The following TTC1 variants were observed in gnomAD, a reference collection of about 807,000 sequenced individuals.
The protein encoded by TTC1 is tetratricopeptide repeat protein 1.
TTC1 carries 31 observed loss-of-function variants against 37.6 expected under a neutral mutation model. That is an observed-to-expected ratio of 0.82 (90% CI 0.62 to 1.11). The LOEUF is 1.11. Ranked by LOEUF, TTC1 falls within the 50% of genes most tolerant of loss-of-function variation. The pLI, the probability that TTC1 is intolerant of heterozygous loss-of-function variation, is 0.00. For synonymous variants in TTC1, 127 were observed against 122.4 expected (o/e 1.04, Z -0.25); for missense variants, 351 against 339.0 (o/e 1.04, Z -0.28).
At chr5:160,060,316 A>G (rs10073416) in intron 7 of TTC1, among the ~76,000 whole-genome samples, 91,265 of 151,682 alleles carry the variant, frequency 0.6, 27,412 homozygotes, top group East Asian at 0.62. Flanking sequence ...TAACAAATCA[A>G]TTGGGTTATG....
At chr5:160,048,163 G>T (rs1757306359) in intron 5 of TTC1, among the ~76,000 whole-genome samples, 1 of 61,750 alleles carries the variant, frequency 1.6e-5, no homozygotes, top group African/African-American at 6.3e-5. Flanking sequence ...TTTTTTTTTT[G>T]GGACAGAGTA....
chr5:160,029,841 G>A (rs2113362156), intron 2 of TTC1, among the ~76,000 whole-genome samples: 1 of 152,268 alleles, frequency 6.6e-6, no homozygotes, highest in East Asian at 1.9e-4. Flanking sequence ...AAGTGGGCTA[G>A]GGAGGCTTGA....
At chr5:160,049,795 A>C in intron 6 of TTC1, 133 bp downstream of exon 6, 1 of 806,984 alleles carries the variant, frequency 1.2e-6, no homozygotes, top group Non-Finnish European at 1.8e-6. Flanking sequence ...GATATATGGG[A>C]GGCCAGGCGC....
In TTC1 at chr5:160,065,301, C is replaced by A; in HGVS notation, c.*236C>A. On this transcript the variant is annotated 3_prime_UTR_variant, in exon 8 of 8. Transcript: ENST00000231238. ...GGTGGTGTCTGTGCAGCTGGTGTCC[C>A]CGATTCTGGCTGTCCTATGTCCAGG... 1.5e-6 allele frequency: 1 copy of A among 660,374 alleles called. No homozygotes were observed. Among genetic ancestry groups the A allele is most frequent in the Non-Finnish European group, 2.7e-6 (1 of 368,776 alleles). The allele number at this position is 660,374 out of a possible 1,614,324, so 40.9% of individuals were successfully genotyped here. A position where few individuals can be genotyped will look rare whatever the true frequency, so the allele number is the denominator to read the frequency against.
At chr5:160,023,958 T>A (rs1276935458) in intron 2 of TTC1, 2 of 1,564,628 alleles carry the variant, frequency 1.3e-6, no homozygotes, top group Non-Finnish European at 8.8e-7. Flanking sequence ...TCATCAGGTA[T>A]CAGAGAGTAT....
At chr5:160,063,984 T>TTTTTTTTG (rs1482966350) in intron 7 of TTC1, among the ~76,000 whole-genome samples, 1 of 149,650 alleles carries the variant, frequency 6.7e-6, no homozygotes, top group African/African-American at 2.5e-5. Flanking sequence ...TTTTTTTTTT[T>TTTTTTTTG]TTGAGACGGA....
At chr5:160,028,834 T>C (rs2113360800) in intron 2 of TTC1, among the ~76,000 whole-genome samples, 1 of 152,220 alleles carries the variant, frequency 6.6e-6, no homozygotes, top group East Asian at 1.9e-4. Flanking sequence ...CTTCACCACA[T>C]CAGAAATTCC....
chr5:160,051,264 CAT>C, intron 7 of TTC1, 81 bp downstream of exon 7: 1 of 1,171,614 alleles, frequency 8.5e-7, no homozygotes, highest in Non-Finnish European at 1.2e-6. Context: ...GAGGAGAACA[CAT>C]GAGTTAGAAA....
chr5:160,043,784 A>G (rs1757144843), intron 5 of TTC1, among the ~76,000 whole-genome samples: 1 of 152,206 alleles, frequency 6.6e-6, no homozygotes, highest in Non-Finnish European at 1.5e-5. Context: ...GTGAATTGAT[A>G]GTCTTTTCAA....
intron 2 of TTC1, among the ~76,000 whole-genome samples, chr5:160,030,116 G>A (rs1309427583): frequency 6.6e-6 from 1 of 152,246 alleles, no homozygotes; most frequent in East Asian, 1.9e-4. Flanking sequence ...TGTACAGTCT[G>A]CATTCAAAGA....
intron 5 of TTC1, among the ~76,000 whole-genome samples, 198 bp downstream of exon 5, chr5:160,043,367 A>G (rs1054329348): frequency 6.6e-6 from 1 of 152,204 alleles, no homozygotes; most frequent in Admixed American, 6.5e-5. Flanking sequence ...TTTCTCCTCT[A>G]CTGGTAAATA....
intron 7 of TTC1, 104 bp downstream of exon 7, chr5:160,051,287 C>G (rs1757398598): frequency 3.4e-6 from 3 of 885,898 alleles, no homozygotes; most frequent in Non-Finnish European, 3.4e-6. Flanking sequence ...GTTTCGGACT[C>G]TACCACAAGG....
At chr5:160,009,602 A>C (rs1470478847) in intron 1 of TTC1, among the ~76,000 whole-genome samples, 1 of 152,060 alleles carries the variant, frequency 6.6e-6, no homozygotes, top group Non-Finnish European at 1.5e-5. Context: ...GAAAACATAA[A>C]TAAATAAATA....
chr5:160,017,565 T>C (rs551848547), intron 2 of TTC1, among the ~76,000 whole-genome samples: 3 of 152,306 alleles, frequency 2.0e-5, no homozygotes, highest in Admixed American at 6.5e-5. Context: ...CCATAGCAAG[T>C]GTTTATAGTA....
chr5:160,037,847 T>C lies in TTC1; in HGVS notation c.504+1044T>C, dbSNP rs535583803. ...CTACTTACATCCAAAGTACAAAGGA[T>C]AGGTTATTTAACATACCTTTAAGCA... On this transcript the variant is annotated intron_variant, in intron 4 of 7. Transcript: ENST00000231238. Among the ~76,000 whole-genome samples, 621 of 151,536 alleles carry C rather than the reference T, an allele frequency of 4.1e-3. 4 individuals carry two copies. Among genetic ancestry groups the C allele is most frequent in the Admixed American group, 7.0e-3 (107 of 15,204 alleles).
chr5:160,013,548 G>T (rs959702282), intron 2 of TTC1, among the ~76,000 whole-genome samples: 5 of 151,912 alleles, frequency 3.3e-5, no homozygotes, highest in Admixed American at 3.3e-4. Flanking sequence ...TTCGAGACCA[G>T]CCTGACCAAC....
intron 2 of TTC1, chr5:160,023,746 C>T: frequency 6.2e-7 from 1 of 1,612,156 alleles, no homozygotes; most frequent in Non-Finnish European, 8.5e-7. Flanking sequence ...TCTTGTGCTT[C>T]TTCTTTTTCT....
At chr5:160,055,613 G>T (rs1757525278) in intron 7 of TTC1, among the ~76,000 whole-genome samples, 1 of 152,232 alleles carries the variant, frequency 6.6e-6, no homozygotes, top group Non-Finnish European at 1.5e-5. Context: ...CTGAATCAGA[G>T]ATTTAAGATG....
At chr5:160,061,422 A>C (rs1753392856) in intron 7 of TTC1, among the ~76,000 whole-genome samples, 2 of 152,198 alleles carry the variant, frequency 1.3e-5, no homozygotes, top group South Asian at 4.1e-4. Flanking sequence ...CTTCCTTGTC[A>C]AATTCTAAGC....
Sources: gnomAD v4.1 joint callset for allele counts (sites outside exome capture counted in the v4.1 genomes callset) on GRCh38, gnomAD v4.1.1 for gene constraint, MANE v1.5 for transcripts, NCBI Gene and HGNC (gene_info 2026-07-23, HGNC 2026-07-21) for gene names.